The following NT5E variants were observed in gnomAD, a reference collection of about 807,000 sequenced individuals.
The protein encoded by NT5E is 5'-nucleotidase ecto.
In NT5E, 53 loss-of-function variants were observed where a neutral mutation model predicts 55.1. The observed-to-expected ratio is 0.96, with a 90% CI of 0.77 to 1.21. The LOEUF (loss-of-function observed/expected upper bound fraction) is 1.21, where lower values mean the gene tolerates loss of function less well. Among genes scored for constraint, NT5E ranks in the 50% most tolerant of loss-of-function variants. NT5E has a pLI of 0.00. For missense variants in NT5E, 683 were observed against 724.3 expected (o/e 0.94, Z 0.65); for synonymous variants, 270 against 278.4 (o/e 0.97, Z 0.30).
At chr6:85,463,972 AT>A (rs1769141331) in intron 1 of NT5E, among the ~76,000 whole-genome samples, 1 of 151,786 alleles carries the variant, frequency 6.6e-6, no homozygotes, top group African/African-American at 2.4e-5. Context: ...TCATTCATTC[AT>A]TTATTCATTC....
chr6:85,482,797 G>A (rs1454887931), intron 3 of NT5E, among the ~76,000 whole-genome samples: 1 of 152,232 alleles, frequency 6.6e-6, no homozygotes, highest in Non-Finnish European at 1.5e-5. Flanking sequence ...TGAACGGCAT[G>A]GAATGGTGTG....
rs527800550 is a variant in NT5E at position 85,473,106 on chromosome 6, G to C, written c.751+1681G>C. On this transcript the variant is annotated intron_variant, in intron 3 of 8. Transcript: ENST00000257770. The stretch of plus-strand genomic sequence containing the variant: ...GCATGGATAACATTGCAATCAAAGA[G>C]TTTCAACAACTCCATGAGGGTTAAA... Among the ~76,000 whole-genome samples, 11 of 152,282 alleles carry C rather than the reference G, an allele frequency of 7.2e-5. No individual in the cohort carries two copies. In the East Asian group the frequency reaches 2.1e-3, roughly 29 times the overall value.
intron 3 of NT5E, among the ~76,000 whole-genome samples, chr6:85,479,278 G>A (rs1769495246): frequency 6.6e-6 from 1 of 152,150 alleles, no homozygotes; most frequent in African/African-American, 2.4e-5. Flanking sequence ...GGAATGCAGT[G>A]GTTTAACCCA....
chr6:85,495,452 C>G lies in NT5E; in HGVS notation c.*1448C>G, dbSNP rs1183081831. The G allele has an allele frequency of 6.6e-6, 1 of 152,172 alleles. No homozygotes were observed. The allele number at this position is 152,172 out of a possible 1,614,324, so 9.4% of individuals were successfully genotyped here. ...AAGTATGTTTGTTTCTTAGTGTTTA[C>G]AAATATTAAGTACTCTTGATACAAA... is the stretch of plus-strand genomic sequence containing the variant. On this transcript the variant is annotated 3_prime_UTR_variant, in exon 9 of 9. Transcript: ENST00000257770.
chr6:85,486,443 C>T (rs911038026), intron 4 of NT5E, among the ~76,000 whole-genome samples: 6 of 152,118 alleles, frequency 3.9e-5, no homozygotes, highest in Admixed American at 2.6e-4. Context: ...AGAAGAGCGG[C>T]GGCAAGATGA....
chr6:85,475,684 T>C (rs566344154), intron 3 of NT5E, among the ~76,000 whole-genome samples: 8 of 152,348 alleles, frequency 5.3e-5, no homozygotes, highest in Admixed American at 1.3e-4. Flanking sequence ...GTGCTGTCCT[T>C]GAAGGGACTC....
chr6:85,471,563 A>G, intron 3 of NT5E, 138 bp downstream of exon 3: 1 of 455,296 alleles, frequency 2.2e-6, no homozygotes, highest in Non-Finnish European at 3.8e-6. Context: ...TATATATGTA[A>G]TATACATTAA....
At position 85,466,704 on chromosome 6, in the gene NT5E, T is replaced by C. The variant is rs186204973; in HGVS notation, c.340-356T>C. Among the ~76,000 whole-genome samples the C allele has an allele frequency of 1.4e-4, 21 of 152,266 alleles. No individual in the cohort carries two copies. The East Asian group carries it at 3.3e-3, about 24-fold the overall frequency. Reference sequence around the variant, plus strand: ...CTCCAGCAGATCGCGGCTTGAATCATGGGGTCTGAAATGTGGGTTTATGAG... The same window carrying C: ...CTCCAGCAGATCGCGGCTTGAATCACGGGGTCTGAAATGTGGGTTTATGAG... On this transcript the variant is annotated intron_variant, in intron 1 of 8. Coordinates refer to ENST00000257770, the MANE Select transcript of NT5E (RefSeq NM_002526.4).
chr6:85,488,892 T>TTG (rs1008810166), intron 5 of NT5E, among the ~76,000 whole-genome samples: 2 of 151,886 alleles, frequency 1.3e-5, no homozygotes, highest in African/African-American at 4.8e-5. Flanking sequence ...TTTTTTTTTT[T>TTG]TTTTTTTCGG....
chr6:85,491,446 A>T (rs945342483), intron 7 of NT5E: 3 of 304,678 alleles, frequency 9.8e-6, no homozygotes, highest in South Asian at 2.9e-5. Context: ...TACAGAAGGC[A>T]GTGGGGCCCT....
chr6:85,463,445 C>A (rs1029124862), intron 1 of NT5E, among the ~76,000 whole-genome samples: 1 of 152,054 alleles, frequency 6.6e-6, no homozygotes, highest in African/African-American at 2.4e-5. Context: ...GATTTAGGGT[C>A]ATAGAAATCA....
chr6:85,472,898 A>G (rs540445027), intron 3 of NT5E, among the ~76,000 whole-genome samples: 1 of 152,300 alleles, frequency 6.6e-6, no homozygotes, highest in South Asian at 2.1e-4. Context: ...GGTTATGACC[A>G]GTAGTAGGGC....
intron 3 of NT5E, among the ~76,000 whole-genome samples, chr6:85,474,387 C>A (rs1295307106): frequency 6.6e-6 from 1 of 152,162 alleles, no homozygotes; most frequent in Non-Finnish European, 1.5e-5. Flanking sequence ...AGACAGCCAA[C>A]TGTATGTGCC....
intron 3 of NT5E, among the ~76,000 whole-genome samples, chr6:85,484,681 T>C (rs1207399588): frequency 2.0e-5 from 3 of 152,168 alleles, no homozygotes; most frequent in East Asian, 1.9e-4. Flanking sequence ...CCGAAGTATA[T>C]GTCTGGGGTT....
At chr6:85,451,862 A>C (rs1373541657) in intron 1 of NT5E, among the ~76,000 whole-genome samples, 1 of 152,202 alleles carries the variant, frequency 6.6e-6, no homozygotes, top group Non-Finnish European at 1.5e-5. Context: ...GTTTGGTTTT[A>C]AAGGTCCCTC....
chr6:85,492,918 G>C (rs1365296765), intron 8 of NT5E, among the ~76,000 whole-genome samples: 1 of 152,176 alleles, frequency 6.6e-6, no homozygotes, highest in Non-Finnish European at 1.5e-5. Context: ...GGAGCGTGGA[G>C]GGCAGGACCA....
intron 1 of NT5E, among the ~76,000 whole-genome samples, chr6:85,462,127 C>A (rs1769110383): frequency 6.6e-6 from 1 of 152,068 alleles, no homozygotes; most frequent in African/African-American, 2.4e-5. Flanking sequence ...ACCTCCCCAC[C>A]ACATTCCCAC....
chr6:85,467,825 T>C (rs1177793481), intron 2 of NT5E, among the ~76,000 whole-genome samples: 1 of 151,742 alleles, frequency 6.6e-6, no homozygotes, highest in African/African-American at 2.4e-5. Context: ...TAAGTGTATG[T>C]ATATACATTT....
In NT5E at chr6:85,450,985, C is replaced by T. The variant is rs881795; in HGVS notation, c.339+507C>T. 0.02 allele frequency among the ~76,000 whole-genome samples: 3,036 copies of T among 152,270 alleles called. 51 individuals carry two copies. Among genetic ancestry groups the T allele is most frequent in the Middle Eastern group, 0.058 (17 of 294 alleles). ...AATGGACACCAGATCTCTTTGACCC[C>T]GGAGCTTGAGAGTAATTAAGCTCAC... On this transcript the variant is annotated intron_variant, in intron 1 of 8. Coordinates refer to ENST00000257770, the MANE Select transcript of NT5E (RefSeq NM_002526.4). The surrounding 1 kb of genome is among the most constrained non-coding windows in gnomAD (Gnocchi z 4.0).
Sources: allele counts gnomAD v4.1 joint callset (sites outside exome capture counted in the v4.1 genomes callset), GRCh38; gene constraint gnomAD v4.1.1; non-coding constraint Gnocchi (gnomAD v3.1); transcripts MANE v1.5; gene names NCBI Gene and HGNC (gene_info 2026-07-23, HGNC 2026-07-21).